LRFN2: variants seen among roughly 807,000 people sequenced by gnomAD.
The protein encoded by LRFN2 is leucine rich repeat and fibronectin type III domain containing 2.
In LRFN2, 18 loss-of-function variants were observed where a neutral mutation model predicts 37.3. That is an observed-to-expected ratio of 0.48 (90% CI 0.33 to 0.72). LRFN2 has a LOEUF of 0.72. Ranked by LOEUF, LRFN2 falls within the 30% of genes least tolerant of loss-of-function variation. The probability of loss-of-function intolerance (pLI) is 0.02; values close to 1 mark genes in which losing one functional copy is unlikely to be tolerated. For synonymous variants in LRFN2, 556 were observed against 466.6 expected, an observed-to-expected ratio of 1.19 and a Z score of -2.47; for missense variants, 1,006 against 1,060.7, an observed-to-expected ratio of 0.95 and a Z score of 0.72.
intron 1 of LRFN2, among the ~76,000 whole-genome samples, chr6:40,581,205 G>A (rs779916439): frequency 2.6e-5 from 4 of 152,188 alleles, no homozygotes; most frequent in Admixed American, 6.5e-5. Context: ...AGGATGGAAA[G>A]GAGGATGGAG....
intron 1 of LRFN2, among the ~76,000 whole-genome samples, chr6:40,536,615 A>G (rs1404612896): frequency 6.6e-6 from 1 of 152,154 alleles, no homozygotes; most frequent in Admixed American, 6.5e-5. Flanking sequence ...AACCACTAGG[A>G]GGTGCAGCTG....
chr6:40,539,538 G>A (rs758306191), intron 1 of LRFN2, among the ~76,000 whole-genome samples: 31 of 152,170 alleles, frequency 2.0e-4, no homozygotes, highest in South Asian at 1.0e-3. Context: ...AGACACAGTC[G>A]TGGGAGCTTT....
Position 40,391,816 on chromosome 6 carries a change from A to G in LRFN2, c.*127T>C, listed in dbSNP as rs1383114072. ...GCGGGGTAGGGGGGGACACGAGGCCATTGACAGGGAGACGAAACTGTCCCT... is the reference window on the plus strand; with the variant it reads ...GCGGGGTAGGGGGGGACACGAGGCCGTTGACAGGGAGACGAAACTGTCCCT... On this transcript the variant is annotated 3_prime_UTR_variant, in exon 3 of 3. Transcript: ENST00000338305. The G allele has an allele frequency of 4.0e-6, 4 of 1,008,378 alleles. No homozygotes were observed. The highest frequency in any genetic ancestry group is 6.1e-5 in the Admixed American group (2 of 32,724). 62.5% of individuals were successfully genotyped at this position (1,008,378 alleles called of 1,614,324 possible). A position where few individuals can be genotyped will look rare whatever the true frequency, so the allele number is the denominator to read the frequency against.
intron 1 of LRFN2, among the ~76,000 whole-genome samples, chr6:40,442,195 G>A (rs1353934275): frequency 6.6e-6 from 1 of 152,170 alleles, no homozygotes; most frequent in Admixed American, 6.5e-5. Flanking sequence ...TCTAGGAAGG[G>A]GCTAATGAAG....
chr6:40,578,356 C>G (rs1417518), intron 1 of LRFN2, among the ~76,000 whole-genome samples: 80,020 of 152,060 alleles, frequency 0.53, 21,592 homozygotes, highest in African/African-American at 0.62. Context: ...AAAACCCTCT[C>G]CTCCAAGATT....
Position 40,392,608 on chromosome 6 carries a change from C to G in LRFN2, c.1705G>C (p.Ala569Pro). ...GAGTACACATTGCTCACGGCCGCTG[C>G]CATCTTGCTGGGGGCCTCGTGGTTG... ...VCNHEAPSKMAAAVSNVYSQT... is the reference protein window; with the variant it reads ...VCNHEAPSKMPAAVSNVYSQT... The change falls in exon 3 of 3, where the codon GCA becomes CCA. Residue 569 changes from alanine to proline, a missense_variant. By Grantham distance (27) the Ala-to-Pro change is conservative (BLOSUM62 -1). Coordinates refer to ENST00000338305, the MANE Select transcript of LRFN2 (RefSeq NM_020737.3). This position sits in a 1 kb window ranked among gnomAD's most constrained non-coding sequence, Gnocchi z 4.7. 2 of 1,610,066 alleles carry G rather than the reference C, an allele frequency of 1.2e-6. No individual in the cohort carries two copies. Among genetic ancestry groups the G allele is most frequent in the Non-Finnish European group, 8.5e-7 (1 of 1,179,942 alleles).
intron 1 of LRFN2, among the ~76,000 whole-genome samples, chr6:40,522,553 C>T (rs1766111901): frequency 6.6e-6 from 1 of 152,144 alleles, no homozygotes; most frequent in African/African-American, 2.4e-5. Context: ...TCCCTCATCT[C>T]CTGCCCCTAA....
chr6:40,538,037 C>T (rs927302513), intron 1 of LRFN2, among the ~76,000 whole-genome samples: 2 of 152,144 alleles, frequency 1.3e-5, no homozygotes, highest in African/African-American at 4.8e-5. Flanking sequence ...ACAACACCCC[C>T]GGGACCCTCC....
intron 2 of LRFN2, among the ~76,000 whole-genome samples, chr6:40,398,188 G>A (rs1490758629): frequency 1.3e-5 from 2 of 151,720 alleles, no homozygotes; most frequent in Non-Finnish European, 2.9e-5. Flanking sequence ...ACAATCCCAG[G>A]ACACCCCTGG....
At chr6:40,443,169 G>T (rs1055438130) in intron 1 of LRFN2, among the ~76,000 whole-genome samples, 4 of 152,172 alleles carry the variant, frequency 2.6e-5, no homozygotes, top group African/African-American at 9.7e-5. Flanking sequence ...GCAAGGTTTG[G>T]TCTATCCTTG....
intron 2 of LRFN2, among the ~76,000 whole-genome samples, chr6:40,403,869 C>T (rs1762791984): frequency 6.6e-6 from 1 of 152,212 alleles, no homozygotes; most frequent in South Asian, 2.1e-4. Flanking sequence ...GGCTCACAGG[C>T]CCCAGACAAT....
At position 40,392,538 on chromosome 6, in the gene LRFN2, G is replaced by C; in HGVS notation, c.1775C>G (p.Ala592Gly). The C allele has an allele frequency of 3.2e-6, 5 of 1,576,166 alleles. No homozygotes were observed. Among genetic ancestry groups the C allele is most frequent in the Non-Finnish European group, 4.3e-6 (5 of 1,164,398 alleles). The change falls in exon 3 of 3, where the codon GCC becomes GGC. Residue 592 changes from alanine (A) to glycine (G), a missense_variant. Ala to Gly is a moderately conservative substitution (Grantham distance 60). Coordinates refer to ENST00000338305, the MANE Select transcript of LRFN2 (RefSeq NM_020737.3). This position sits in a 1 kb window ranked among gnomAD's most constrained non-coding sequence, Gnocchi z 4.7. ...AQPPPPSSAP[A>G]GAPPQGPPKV... Reference sequence around the variant, plus strand: ...CGGCGGGCCCTGCGGCGGGGCCCCGGCTGGTGCGCTGCTTGGAGGCGGTGG... The same window carrying C: ...CGGCGGGCCCTGCGGCGGGGCCCCGCCTGGTGCGCTGCTTGGAGGCGGTGG...
chr6:40,491,983 C>T (rs374793571), intron 1 of LRFN2, among the ~76,000 whole-genome samples: 1,032 of 87,098 alleles, frequency 0.012, 2 homozygotes, highest in East Asian at 0.051. Context: ...TCTATTTTGC[C>T]GTGTGACTGT....
intron 1 of LRFN2, among the ~76,000 whole-genome samples, chr6:40,475,486 G>A (rs940653934): frequency 7.9e-5 from 12 of 152,172 alleles, no homozygotes; most frequent in African/African-American, 2.9e-4. Context: ...GGTGTCATGA[G>A]ATGTGTGCTC....
chr6:40,479,715 G>T (rs1764784087), intron 1 of LRFN2, among the ~76,000 whole-genome samples: 1 of 152,170 alleles, frequency 6.6e-6, no homozygotes, highest in Non-Finnish European at 1.5e-5. Flanking sequence ...GGCAGGACTG[G>T]CTTGGGGCTC....
chr6:40,492,402 TGG>T, intron 1 of LRFN2, among the ~76,000 whole-genome samples: 1 of 152,174 alleles, frequency 6.6e-6, no homozygotes, highest in South Asian at 2.1e-4. Flanking sequence ...GCCCCCTCTC[TGG>T]CACTGAGCTG....
intron 1 of LRFN2, among the ~76,000 whole-genome samples, chr6:40,489,849 T>C (rs1765045932): frequency 6.6e-6 from 1 of 152,178 alleles, no homozygotes; most frequent in Non-Finnish European, 1.5e-5. Context: ...CATTCCCTCC[T>C]GTGACTTACC....
In LRFN2 at chr6:40,430,036, A is replaced by G. The variant is rs535965164; in HGVS notation, c.1400+1678T>C. Among the ~76,000 whole-genome samples, 5 of 152,250 alleles carry G rather than the reference A, an allele frequency of 3.3e-5. No homozygotes were observed. In the South Asian group the frequency reaches 1.0e-3, roughly 32 times the overall value. ...CTTCATAATTTTCTCTACTTTCCAA[A>G]TTTTCAGTAAAGACTATGACTTTTA... On this transcript the variant is annotated intron_variant, in intron 2 of 2. Transcript: ENST00000338305.
At chr6:40,580,319 G>C (rs1048472921) in intron 1 of LRFN2, among the ~76,000 whole-genome samples, 1 of 152,176 alleles carries the variant, frequency 6.6e-6, no homozygotes, top group Non-Finnish European at 1.5e-5. Flanking sequence ...AGGAAGACAC[G>C]ATCACCAAGA....
Sources: gnomAD v4.1 joint callset for allele counts (sites outside exome capture counted in the v4.1 genomes callset) on GRCh38, gnomAD v4.1.1 for gene constraint, Gnocchi (gnomAD v3.1) non-coding constraint, MANE v1.5 for transcripts, NCBI Gene and HGNC (gene_info 2026-07-23, HGNC 2026-07-21) for gene names.